CSMD1: variants seen among roughly 807,000 people sequenced by gnomAD.
The protein encoded by CSMD1 is CUB and Sushi multiple domains 1.
CSMD1 carries 213 observed loss-of-function variants against 417.5 expected under a neutral mutation model. That is an observed-to-expected ratio of 0.51 (90% CI 0.46 to 0.57). CSMD1 has a LOEUF of 0.57. CSMD1 is among the 20% of genes least tolerant of loss of function. The pLI is 0.00. For missense variants in CSMD1, 6,923 were observed against 4,529.7 expected, an observed-to-expected ratio of 1.53 and a Z score of -15.17; for synonymous variants, 2,862 against 1,736.8, an observed-to-expected ratio of 1.65 and a Z score of -16.11.
At chr8:4,568,304 G>A (rs756198326) in intron 2 of CSMD1, among the ~76,000 whole-genome samples, 22 of 152,020 alleles carry the variant, frequency 1.4e-4, no homozygotes, top group East Asian at 3.9e-4. Context: ...CGAAAGGCCC[G>A]TCTATGATGT....
At chr8:3,371,910 T>A (rs1175762894) in intron 18 of CSMD1, among the ~76,000 whole-genome samples, 2 of 152,242 alleles carry the variant, frequency 1.3e-5, no homozygotes, top group Non-Finnish European at 2.9e-5. Context: ...TTGAAATTAA[T>A]GTATTCAACA....
chr8:3,326,919 G>T (rs1460216434), intron 23 of CSMD1, among the ~76,000 whole-genome samples: 1 of 152,070 alleles, frequency 6.6e-6, no homozygotes, highest in Non-Finnish European at 1.5e-5. Flanking sequence ...GCTCATGCCT[G>T]TAATCTCGGC....
chr8:4,573,101 T>C (rs1798964615), intron 2 of CSMD1, among the ~76,000 whole-genome samples: 1 of 152,190 alleles, frequency 6.6e-6, no homozygotes, highest in African/African-American at 2.4e-5. Context: ...ATTACCCACC[T>C]TCTGAAGCCT....
rs897722769 is a variant in CSMD1 at position 4,444,594 on chromosome 8, G to A, written c.303-24529C>T. Among the ~76,000 whole-genome samples the A allele has an allele frequency of 3.3e-5, 5 of 152,050 alleles. No homozygotes were observed. The East Asian group carries it at 7.7e-4, about 24-fold the overall frequency. On this transcript the variant is annotated intron_variant, in intron 2 of 69. Coordinates refer to ENST00000635120, the MANE Select transcript of CSMD1 (RefSeq NM_033225.6). ...AAGCAGCTCCAGAACATGAAATGCT[G>A]AGCATTCTGCACAAGGGATAGATGC...
At chr8:4,011,377 C>G (rs1816520669) in intron 4 of CSMD1, among the ~76,000 whole-genome samples, 1 of 152,226 alleles carries the variant, frequency 6.6e-6, no homozygotes, top group African/African-American at 2.4e-5. Flanking sequence ...GATTCCATGT[C>G]TGCTTCCAGA....
rs1821298002 is a variant in CSMD1, at chr8:3,181,163, T to C, written c.5672A>G (p.His1891Arg). The C allele has an allele frequency of 1.2e-6, 2 of 1,613,950 alleles. No homozygotes were observed. Among genetic ancestry groups the C allele is most frequent in the Admixed American group, 1.7e-5 (1 of 60,014 alleles). Residue 1891 changes from histidine (H) to arginine (R), a missense_variant, in exon 37 of 70, where the codon CAT (histidine) becomes CGT (arginine). Physicochemically the swap from His to Arg is conservative, Grantham distance 29. Coordinates refer to ENST00000635120, the MANE Select transcript of CSMD1 (RefSeq NM_033225.6). ...TGCCACACTAATGTCAGACTGGAAA[T>C]GCAGGTAGAGTTGGTTGGAAGTACT... is the stretch of plus-strand genomic sequence containing the variant. ...LNSTSNQLYL[H>R]FQSDISVAAA... is the part of the protein sequence containing the mutation.
At chr8:4,632,923 A>G (rs1031598143) in intron 2 of CSMD1, among the ~76,000 whole-genome samples, 7 of 152,194 alleles carry the variant, frequency 4.6e-5, no homozygotes, top group Non-Finnish European at 8.8e-5. Context: ...GATCTGTGCA[A>G]CTGAACAAGG....
chr8:4,964,320 C>G (rs954037990), intron 1 of CSMD1, among the ~76,000 whole-genome samples: 1 of 151,588 alleles, frequency 6.6e-6, no homozygotes, highest in African/African-American at 2.4e-5. Flanking sequence ...TCAACACCAG[C>G]AGGGCAGCAT....
chr8:3,724,672 G>C (rs932820414), intron 6 of CSMD1, among the ~76,000 whole-genome samples: 2 of 152,106 alleles, frequency 1.3e-5, no homozygotes, highest in Non-Finnish European at 1.5e-5. Flanking sequence ...TGAGAATTCA[G>C]GGAGTCCATG....
At chr8:4,933,325 A>C (rs551592385) in intron 1 of CSMD1, among the ~76,000 whole-genome samples, 1 of 152,304 alleles carries the variant, frequency 6.6e-6, no homozygotes, top group South Asian at 2.1e-4. Context: ...ATCATGCATT[A>C]ATATGCCGTT....
chr8:2,976,674 G>A (rs1804957590), intron 55 of CSMD1, among the ~76,000 whole-genome samples: 2 of 152,186 alleles, frequency 1.3e-5, no homozygotes, highest in Non-Finnish European at 1.5e-5. Flanking sequence ...GATGTAAAAT[G>A]CATAGGACAA....
chr8:3,404,041 G>C (rs997204028), intron 15 of CSMD1, among the ~76,000 whole-genome samples: 10 of 152,146 alleles, frequency 6.6e-5, no homozygotes, highest in Admixed American at 3.9e-4. Context: ...GTGAACATCA[G>C]AATACCCTCC....
chr8:3,525,242 C>G (rs925290133), intron 10 of CSMD1, among the ~76,000 whole-genome samples: 1 of 152,086 alleles, frequency 6.6e-6, no homozygotes, highest in Non-Finnish European at 1.5e-5. Context: ...GATAGCATCC[C>G]TGGAACTGAG....
intron 25 of CSMD1, among the ~76,000 whole-genome samples, chr8:3,300,390 T>A (rs1804299191): frequency 6.6e-6 from 1 of 152,130 alleles, no homozygotes. Context: ...TTTATTATTT[T>A]AAAATTAAGA....
chr8:3,338,979 TCCC>T (rs1246769667), intron 23 of CSMD1, among the ~76,000 whole-genome samples: 1 of 84,284 alleles, frequency 1.2e-5, no homozygotes, highest in Non-Finnish European at 2.3e-5. Context: ...ATGCTCTCCC[TCCC>T]CCCTCCCCCC....
chr8:4,760,858 A>C (rs1673243), intron 1 of CSMD1, among the ~76,000 whole-genome samples: 2 of 152,076 alleles, frequency 1.3e-5, no homozygotes, highest in Admixed American at 6.6e-5. Flanking sequence ...TAATGCCTGT[A>C]ATATACAACT....
intron 25 of CSMD1, among the ~76,000 whole-genome samples, chr8:3,302,391 C>T (rs77688283): frequency 0.022 from 3,407 of 152,272 alleles, 126 homozygotes; most frequent in Middle Eastern, 0.075. Context: ...GTTTCCCTGG[C>T]TGCCTATCTA....
intron 8 of CSMD1, among the ~76,000 whole-genome samples, chr8:3,588,331 A>AAGT (rs57181211): frequency 0.86 from 130,009 of 151,822 alleles, 55,971 homozygotes; most frequent in Non-Finnish European, 0.88. Context: ...GAAAACAAAA[A>AAGT]GTCATAAAGC....
intron 5 of CSMD1, among the ~76,000 whole-genome samples, chr8:3,758,989 C>G (rs1797835785): frequency 6.6e-6 from 1 of 152,216 alleles, no homozygotes; most frequent in South Asian, 2.1e-4. Context: ...GACAAGAAAG[C>G]TGCTGATACC....
Sources: gnomAD v4.1 joint callset for allele counts (sites outside exome capture counted in the v4.1 genomes callset) on GRCh38, gnomAD v4.1.1 for gene constraint, MANE v1.5 for transcripts, NCBI Gene and HGNC (gene_info 2026-07-23, HGNC 2026-07-21) for gene names.